The following HACD2 variants were observed in gnomAD, a reference collection of about 807,000 sequenced individuals.
The protein encoded by HACD2 is 3-hydroxyacyl-CoA dehydratase 2.
A neutral mutation model predicts 31.0 loss-of-function variants in HACD2; 15 were observed. The ratio of observed to expected loss-of-function variants is 0.48; its 90% CI spans 0.32 to 0.75. HACD2 has a LOEUF of 0.75. Ranked by LOEUF, HACD2 falls within the 30% of genes least tolerant of loss-of-function variation. The probability of loss-of-function intolerance (pLI) is 0.03; values close to 1 mark genes in which losing one functional copy is unlikely to be tolerated. For synonymous variants in HACD2, 115 were observed against 122.2 expected, an observed-to-expected ratio of 0.94 and a Z score of 0.39; for missense variants, 283 against 313.0, an observed-to-expected ratio of 0.90 and a Z score of 0.72.
At chr3:123,519,866 T>C (rs1347028139) in intron 4 of HACD2, among the ~76,000 whole-genome samples, 1 of 152,254 alleles carries the variant, frequency 6.6e-6, no homozygotes, top group Non-Finnish European at 1.5e-5. Flanking sequence ...TAACTTTTCT[T>C]GGCTTTGCTG....
At chr3:123,521,018 A>C (rs2056207691) in intron 4 of HACD2, among the ~76,000 whole-genome samples, 1 of 152,156 alleles carries the variant, frequency 6.6e-6, no homozygotes. Flanking sequence ...TAATCCCAGA[A>C]CTGCAAGTAA....
In HACD2 at chr3:123,584,881, C is replaced by T. The variant is rs1327518419; in HGVS notation, c.147G>A (p.Met49Ile). Residue 49 changes from methionine to isoleucine, a missense_variant, in exon 1 of 7, where the codon ATG becomes ATA. Met to Ile is a conservative substitution (Grantham distance 10). Around this residue, in one of 3 missense-constraint regions of HACD2, gnomAD observed 158 missense variants for 148.3 expected, o/e 1.07. Transcript: ENST00000383657. The stretch of plus-strand genomic sequence containing the variant: ...CCGAGCCCCAGCCTCACCCGGCTGT[C>T]ATCACCACATTGTAGATGACCAGGT... ...TAYLVIYNVVMTAGWLVIAVG... is the reference protein window; with the variant it reads ...TAYLVIYNVVITAGWLVIAVG... The T allele has an allele frequency of 6.6e-7, 1 of 1,513,100 alleles. No individual in the cohort carries two copies. The highest frequency in any genetic ancestry group is 8.8e-7 in the Non-Finnish European group (1 of 1,130,998). 93.7% of individuals were successfully genotyped at this position (1,513,100 alleles called of 1,614,324 possible). A position where few individuals can be genotyped will look rare whatever the true frequency, so the allele number is the denominator to read the frequency against.
chr3:123,550,473 G>A (rs1345523912), intron 3 of HACD2, among the ~76,000 whole-genome samples: 2 of 152,220 alleles, frequency 1.3e-5, no homozygotes, highest in Non-Finnish European at 2.9e-5. Context: ...GGCAAAAGAG[G>A]CTTTGTTTTT....
At chr3:123,559,458 A>G (rs1179767152) in intron 3 of HACD2, among the ~76,000 whole-genome samples, 1 of 152,250 alleles carries the variant, frequency 6.6e-6, no homozygotes, top group Non-Finnish European at 1.5e-5. Context: ...GATCATTGAC[A>G]TTCATTTCTG....
chr3:123,552,440 T>C (rs2056629711), intron 3 of HACD2, among the ~76,000 whole-genome samples: 1 of 152,216 alleles, frequency 6.6e-6, no homozygotes, highest in Admixed American at 6.5e-5. Flanking sequence ...AAAGAGACTA[T>C]ACTTCACTGC....
chr3:123,498,480 G>T (rs1167277678), intron 6 of HACD2, among the ~76,000 whole-genome samples: 1 of 152,202 alleles, frequency 6.6e-6, no homozygotes, highest in Admixed American at 6.5e-5. Context: ...GGGCAAATGA[G>T]CATTACTGCC....
intron 3 of HACD2, among the ~76,000 whole-genome samples, chr3:123,553,153 G>C (rs903625433): frequency 6.6e-6 from 1 of 152,162 alleles, no homozygotes; most frequent in African/African-American, 2.4e-5. Flanking sequence ...GCTCAATTGA[G>C]GCATGTCCTA....
At chr3:123,561,880 C>T (rs2056733763) in intron 3 of HACD2, among the ~76,000 whole-genome samples, 1 of 152,030 alleles carries the variant, frequency 6.6e-6, no homozygotes, top group African/African-American at 2.4e-5. Flanking sequence ...GGCACAATTT[C>T]GGCTCATTGC....
chr3:123,524,605 A>G (rs1254691577), intron 4 of HACD2, among the ~76,000 whole-genome samples: 1 of 152,184 alleles, frequency 6.6e-6, no homozygotes, highest in Admixed American at 6.5e-5. Context: ...AGGCATTTCC[A>G]CTCCATAGGG....
chr3:123,554,766 A>C (rs1001348513), intron 3 of HACD2, among the ~76,000 whole-genome samples: 1 of 152,236 alleles, frequency 6.6e-6, no homozygotes, highest in Non-Finnish European at 1.5e-5. Flanking sequence ...GCACAAGGGC[A>C]TATCAGGCAA....
intron 4 of HACD2, among the ~76,000 whole-genome samples, chr3:123,512,824 T>A (rs781429273): frequency 9.9e-5 from 15 of 152,240 alleles, no homozygotes; most frequent in Non-Finnish European, 1.9e-4. Flanking sequence ...TAAATGTGTG[T>A]GAGTGTATAT....
intron 4 of HACD2, among the ~76,000 whole-genome samples, chr3:123,523,373 G>A (rs16834393): frequency 0.034 from 5,213 of 152,290 alleles, 90 homozygotes; most frequent in Middle Eastern, 0.088. Context: ...GTGAAAACCT[G>A]CATGCTGGAG....
intron 3 of HACD2, among the ~76,000 whole-genome samples, chr3:123,529,024 C>A (rs1449460339): frequency 3.3e-5 from 5 of 151,322 alleles, no homozygotes; most frequent in African/African-American, 1.2e-4. Flanking sequence ...TTTTTTATCA[C>A]CTTGTTCATT....
At chr3:123,510,875 C>T (rs1437065344) in intron 4 of HACD2, among the ~76,000 whole-genome samples, 2 of 151,264 alleles carry the variant, frequency 1.3e-5, no homozygotes, top group East Asian at 3.9e-4. Context: ...TTTTACATTA[C>T]ATCCCTACCA....
At chr3:123,561,169 G>T (rs998142786) in intron 3 of HACD2, among the ~76,000 whole-genome samples, 1 of 152,148 alleles carries the variant, frequency 6.6e-6, no homozygotes, top group South Asian at 2.1e-4. Context: ...GGTAGGAAGA[G>T]GGGTGGGTCT....
At chr3:123,565,107 G>C (rs2056776623) in intron 3 of HACD2, among the ~76,000 whole-genome samples, 1 of 152,156 alleles carries the variant, frequency 6.6e-6, no homozygotes, top group African/African-American at 2.4e-5. Flanking sequence ...AACAGCACCT[G>C]GTATGCACAC....
chr3:123,548,489 C>T (rs1424563399), intron 3 of HACD2, among the ~76,000 whole-genome samples: 1 of 152,108 alleles, frequency 6.6e-6, no homozygotes, highest in Non-Finnish European at 1.5e-5. Context: ...ATTCCTGACC[C>T]ACAGAAACTG....
chr3:123,535,006 G>A (rs1228862362), intron 3 of HACD2, among the ~76,000 whole-genome samples: 1 of 152,062 alleles, frequency 6.6e-6, no homozygotes, highest in Non-Finnish European at 1.5e-5. Context: ...AATAAGCTAA[G>A]GTTAATTTAT....
At chr3:123,564,834 G>A (rs947336056) in intron 3 of HACD2, among the ~76,000 whole-genome samples, 3 of 152,222 alleles carry the variant, frequency 2.0e-5, no homozygotes, top group African/African-American at 7.2e-5. Flanking sequence ...AGCAAGAGAT[G>A]TACAGACAGA....
Sources: allele counts gnomAD v4.1 joint callset (sites outside exome capture counted in the v4.1 genomes callset), GRCh38; gene constraint gnomAD v4.1.1; regional missense constraint gnomAD v4.1.1; transcripts MANE v1.5; gene names NCBI Gene and HGNC (gene_info 2026-07-23, HGNC 2026-07-21).